The following ZFYVE9 variants were observed in gnomAD, a reference collection of about 807,000 sequenced individuals.
ZFYVE9 encodes zinc finger FYVE-type containing 9.
ZFYVE9 carries 43 observed loss-of-function variants against 126.7 expected under a neutral mutation model. The ratio of observed to expected loss-of-function variants is 0.34; its 90% CI spans 0.27 to 0.44. The LOEUF (loss-of-function observed/expected upper bound fraction) is 0.44. ZFYVE9 is among the 20% of genes least tolerant of loss of function. The pLI, the probability that ZFYVE9 is intolerant of heterozygous loss-of-function variation, is 1.00. For missense variants in ZFYVE9, 1,476 were observed against 1,697.0 expected (o/e 0.87, Z 2.29); for synonymous variants, 521 against 597.4 (o/e 0.87, Z 1.87).
intron 1 of ZFYVE9, among the ~76,000 whole-genome samples, chr1:52,211,743 T>C (rs184386916): frequency 7.2e-5 from 11 of 152,346 alleles, no homozygotes; most frequent in Admixed American, 6.5e-4. Flanking sequence ...GAGAATAGTA[T>C]TAATCACAGC....
rs1201039014 is a variant in ZFYVE9 at position 52,346,177 on chromosome 1, G to A, written c.4234G>A (p.Val1412Ile). The change falls in exon 19 of 19, where the codon GTT (valine) becomes ATT (isoleucine). Residue 1412 changes from valine to isoleucine, a missense_variant. Around this residue, in one of 2 missense-constraint regions of ZFYVE9, gnomAD observed 669 missense variants for 902.4 expected, o/e 0.74. Coordinates refer to ENST00000287727, the MANE Select transcript of ZFYVE9 (RefSeq NM_004799.4). ...GGCCTGCCAGCTTAGTGAGGGCCCC[G>A]TTGTCATGGAACTCATCTTTTATAT... The part of the protein sequence containing the change: ...GGACQLSEGP[V>I]VMELIFYILE... 3.1e-6 allele frequency: 5 copies of A among 1,611,226 alleles called. No homozygotes were observed. The highest frequency in any genetic ancestry group is 2.2e-5 in the South Asian group (2 of 90,882).
intron 2 of ZFYVE9, among the ~76,000 whole-genome samples, chr1:52,227,297 A>G (rs1165284883): frequency 6.6e-6 from 1 of 152,246 alleles, no homozygotes; most frequent in Non-Finnish European, 1.5e-5. Flanking sequence ...GCCTTTTCAC[A>G]TGGGAGTGTG....
chr1:52,160,566 C>G, intron 1 of ZFYVE9: 1 of 751,028 alleles, frequency 1.3e-6, no homozygotes, highest in South Asian at 1.5e-5. Context: ...GCTCTCATGA[C>G]CTTCACATTA....
chr1:52,339,489 C>T (rs1646416550), intron 16 of ZFYVE9, among the ~76,000 whole-genome samples: 1 of 152,074 alleles, frequency 6.6e-6, no homozygotes, highest in African/African-American at 2.4e-5. Flanking sequence ...TAGGGTTTTG[C>T]TATGTTGCTG....
At chr1:52,313,300 T>C (rs1646154880) in intron 13 of ZFYVE9, among the ~76,000 whole-genome samples, 1 of 152,110 alleles carries the variant, frequency 6.6e-6, no homozygotes, top group African/African-American at 2.4e-5. Context: ...AAACAAAAGA[T>C]AATGGGCAGA....
At chr1:52,270,556 G>A (rs1001026433) in intron 7 of ZFYVE9, among the ~76,000 whole-genome samples, 15 of 152,072 alleles carry the variant, frequency 9.9e-5, no homozygotes, top group South Asian at 4.1e-4. Context: ...AAGCCACCGC[G>A]CCTGGCCTAT....
chr1:52,161,545 C>T (rs1341189667), intron 1 of ZFYVE9, among the ~76,000 whole-genome samples: 1 of 152,176 alleles, frequency 6.6e-6, no homozygotes, highest in Non-Finnish European at 1.5e-5. Flanking sequence ...CCTGCCTCAG[C>T]CTCCCAAAGT....
At chr1:52,295,066 G>C (rs1645959653) in intron 11 of ZFYVE9, among the ~76,000 whole-genome samples, 1 of 152,068 alleles carries the variant, frequency 6.6e-6, no homozygotes, top group Non-Finnish European at 1.5e-5. Context: ...AAATTAGCTG[G>C]GTATGGTGGC....
At chr1:52,181,951 T>TG (rs1644710653) in intron 1 of ZFYVE9, among the ~76,000 whole-genome samples, 1 of 137,384 alleles carries the variant, frequency 7.3e-6, no homozygotes, top group Non-Finnish European at 1.5e-5. Flanking sequence ...GGGAGGGAGG[T>TG]GGGGGTCAGC....
At chr1:52,324,252 AACACAC>A (rs11468199) in intron 13 of ZFYVE9, among the ~76,000 whole-genome samples, 3 of 150,064 alleles carry the variant, frequency 2.0e-5, no homozygotes, top group South Asian at 2.1e-4. Context: ...CTGTCTCAAA[AACACAC>A]ACACACACAC....
At chr1:52,267,218 G>A (rs995884151) in intron 6 of ZFYVE9, among the ~76,000 whole-genome samples, 1 of 152,188 alleles carries the variant, frequency 6.6e-6, no homozygotes, top group East Asian at 1.9e-4. Context: ...TCTTCTTTCC[G>A]ACCAGCCCAT....
intron 1 of ZFYVE9, among the ~76,000 whole-genome samples, chr1:52,160,103 G>C (rs936611577): frequency 4.6e-5 from 7 of 151,954 alleles, no homozygotes; most frequent in Admixed American, 2.0e-4. Flanking sequence ...AATTATCCTT[G>C]TCCTTGATTA....
At chr1:52,318,112 A>AT (rs1646203383) in intron 13 of ZFYVE9, among the ~76,000 whole-genome samples, 1 of 152,166 alleles carries the variant, frequency 6.6e-6, no homozygotes, top group Non-Finnish European at 1.5e-5. Context: ...ACTATACATC[A>AT]TACCTCTCAT....
chr1:52,319,638 TA>T (rs1429014989), intron 13 of ZFYVE9, among the ~76,000 whole-genome samples: 8 of 147,276 alleles, frequency 5.4e-5, no homozygotes, highest in Admixed American at 5.4e-4. Context: ...AAAAATAAAA[TA>T]AAAACAAATA....
intron 1 of ZFYVE9, chr1:52,160,657 G>A (rs900496484): frequency 7.4e-5 from 44 of 595,546 alleles, no homozygotes; most frequent in Admixed American, 6.7e-4. Flanking sequence ...CTCGTGATCC[G>A]CCTGCGTCGG....
chr1:52,326,693 C>CA (rs34479038), intron 13 of ZFYVE9, among the ~76,000 whole-genome samples: 84,577 of 102,838 alleles, frequency 0.82, 35,630 homozygotes, highest in Non-Finnish European at 0.9. Context: ...TACTCAATAC[C>CA]AAAAAAAAAA....
chr1:52,330,121 A>G (rs1230667967), intron 13 of ZFYVE9, among the ~76,000 whole-genome samples: 7 of 152,194 alleles, frequency 4.6e-5, no homozygotes, highest in African/African-American at 1.2e-4. Flanking sequence ...GCTCACGCCT[A>G]TAATCCCAGC....
At chr1:52,333,844 A>G (rs1007969459) in intron 14 of ZFYVE9, among the ~76,000 whole-genome samples, 1 of 151,732 alleles carries the variant, frequency 6.6e-6, no homozygotes, top group Non-Finnish European at 1.5e-5. Flanking sequence ...TAATCCCAAC[A>G]CTTTGGGAGG....
At position 52,189,680 on chromosome 1, in the gene ZFYVE9, G is replaced by GTT. The variant is rs35301412; in HGVS notation, c.-142-26677_-142-26676dup. On this transcript the variant is annotated intron_variant, in intron 1 of 18. Coordinates refer to ENST00000287727, the MANE Select transcript of ZFYVE9 (RefSeq NM_004799.4). ...GAGCCACCGCACTTGGCCTTAGGTT[G>GTT]TTTTTTTTTTTTTAAACTTGTGCTT... Among the ~76,000 whole-genome samples the GTT allele has an allele frequency of 1.1e-3, 160 of 146,156 alleles. 1 individual carries two copies. The highest frequency in any genetic ancestry group is 1.8e-3 in the East Asian group (9 of 5,042).
Sources: allele counts gnomAD v4.1 joint callset (sites outside exome capture counted in the v4.1 genomes callset), GRCh38; gene constraint gnomAD v4.1.1; regional missense constraint gnomAD v4.1.1; transcripts MANE v1.5; gene names NCBI Gene and HGNC (gene_info 2026-07-23, HGNC 2026-07-21).